Variants in PALM2AKAP2 observed in about 807,000 individuals in gnomAD.
PALM2AKAP2 encodes the protein PALM2-AKAP2 fusion protein.
A neutral mutation model predicts 71.5 loss-of-function variants in PALM2AKAP2; 37 were observed. The ratio of observed to expected loss-of-function variants is 0.52; its 90% CI spans 0.40 to 0.68. The LOEUF (loss-of-function observed/expected upper bound fraction) is 0.68, where lower values mean the gene tolerates loss of function less well. Ranked by LOEUF, PALM2AKAP2 falls within the 30% of genes least tolerant of loss-of-function variation. PALM2AKAP2 has a pLI of 0.00. For synonymous variants in PALM2AKAP2, 468 were observed against 478.8 expected (o/e 0.98, Z 0.29); for missense variants, 1,224 against 1,191.8 (o/e 1.03, Z -0.40).
At chr9:109,773,920 C>G (rs1225377540) in intron 1 of PALM2AKAP2, among the ~76,000 whole-genome samples, 1 of 95,378 alleles carries the variant, frequency 1.0e-5, no homozygotes, top group African/African-American at 5.7e-5. Context: ...CTGTCATTCC[C>G]AAAGGTGTCA....
chr9:110,026,177 C>G (rs1301004023), intron 7 of PALM2AKAP2, among the ~76,000 whole-genome samples: 1 of 152,040 alleles, frequency 6.6e-6, no homozygotes, highest in Non-Finnish European at 1.5e-5. Context: ...CCTCCCAGGC[C>G]CAAGCAATCC....
At chr9:110,115,341 T>C (rs1468000114) in intron 1 of PALM2AKAP2, among the ~76,000 whole-genome samples, 1 of 152,222 alleles carries the variant, frequency 6.6e-6, no homozygotes, top group Non-Finnish European at 1.5e-5. Flanking sequence ...AAATATCTTT[T>C]TCTTTAAACC....
chr9:109,944,792 C>A lies in PALM2AKAP2; in HGVS notation c.496+12764C>A, dbSNP rs1413914025. On this transcript the variant is annotated intron_variant, in intron 6 of 9. Coordinates refer to the PALM2AKAP2 transcript ENST00000302798. ...AGCACTCCCCCAAAGCAAAAAGCCA[C>A]ATATGTAGTAAAACCAAAGGGAAAC... 2.6e-5 allele frequency: 4 copies of A among 151,950 alleles called. No individual in the cohort carries two copies. In the East Asian group the frequency reaches 7.7e-4, roughly 29 times the overall value. 9.4% of individuals were successfully genotyped at this position (151,950 alleles called of 1,614,324 possible).
intron 1 of PALM2AKAP2, among the ~76,000 whole-genome samples, chr9:109,647,474 T>G (rs1827170626): frequency 6.6e-6 from 1 of 152,228 alleles, no homozygotes; most frequent in Non-Finnish European, 1.5e-5. Flanking sequence ...ATGAAATTGC[T>G]GGGTGAGTGA....
At chr9:109,669,156 T>G (rs1249031683) in intron 1 of PALM2AKAP2, among the ~76,000 whole-genome samples, 1 of 152,222 alleles carries the variant, frequency 6.6e-6, no homozygotes, top group East Asian at 1.9e-4. Context: ...AGAACTGCCC[T>G]TTTCACTATT....
chr9:109,641,094 G>A (rs146938000), intron 1 of PALM2AKAP2, among the ~76,000 whole-genome samples: 45 of 152,366 alleles, frequency 3.0e-4, no homozygotes, highest in Middle Eastern at 3.4e-3. Context: ...AGCAGGGCCT[G>A]GGGGGCGAGT....
intron 6 of PALM2AKAP2, among the ~76,000 whole-genome samples, chr9:109,960,749 A>G (rs964318593): frequency 6.6e-6 from 1 of 152,192 alleles, no homozygotes; most frequent in Non-Finnish European, 1.5e-5. Context: ...AGAAGAGAAC[A>G]GATTGGTATG....
At chr9:109,844,217 C>T (rs1055873043) in intron 1 of PALM2AKAP2, among the ~76,000 whole-genome samples, 4 of 152,164 alleles carry the variant, frequency 2.6e-5, no homozygotes, top group Admixed American at 6.5e-5. Context: ...CACCACTTTA[C>T]AGATAAGCGA....
At chr9:110,038,793 T>C (rs1365769800) in intron 7 of PALM2AKAP2, among the ~76,000 whole-genome samples, 1 of 151,250 alleles carries the variant, frequency 6.6e-6, no homozygotes, top group Non-Finnish European at 1.5e-5. Context: ...ACAAAAAAAT[T>C]ACCTGGGCCT....
intron 6 of PALM2AKAP2, among the ~76,000 whole-genome samples, chr9:109,990,026 T>C (rs572236975): frequency 5.9e-5 from 9 of 152,240 alleles, no homozygotes; most frequent in Admixed American, 3.9e-4. Flanking sequence ...TGTTTACCAC[T>C]GTTCCACTGT....
At chr9:109,683,267 T>C (rs1923434) in intron 1 of PALM2AKAP2, among the ~76,000 whole-genome samples, 1,710 of 152,318 alleles carry the variant, frequency 0.011, 36 homozygotes, top group African/African-American at 0.038. Flanking sequence ...TTCAGGTATT[T>C]CTGTATAACA....
chr9:109,864,643 C>A (rs574251600), intron 1 of PALM2AKAP2, among the ~76,000 whole-genome samples: 59 of 152,318 alleles, frequency 3.9e-4, no homozygotes, highest in African/African-American at 1.4e-3. Context: ...AGAACACAGC[C>A]ACACTCATTC....
chr9:109,780,591 C>A, intron 1 of PALM2AKAP2, 58 bp downstream of exon 1: 1 of 1,610,590 alleles, frequency 6.2e-7, no homozygotes, highest in South Asian at 1.1e-5. Context: ...AGGGGGCCCC[C>A]GAGGGTTTCG....
At chr9:109,919,631 A>G (rs1830777120) in intron 3 of PALM2AKAP2, among the ~76,000 whole-genome samples, 1 of 151,996 alleles carries the variant, frequency 6.6e-6, no homozygotes, top group Non-Finnish European at 1.5e-5. Context: ...ATATAAATAC[A>G]TTAACACACA....
At chr9:109,947,123 G>A (rs543169276) in intron 6 of PALM2AKAP2, among the ~76,000 whole-genome samples, 1 of 152,290 alleles carries the variant, frequency 6.6e-6, no homozygotes, top group South Asian at 2.1e-4. Context: ...GTTTCCTTGA[G>A]CCTTCTGAGC....
intron 4 of PALM2AKAP2, among the ~76,000 whole-genome samples, chr9:109,924,473 G>A (rs917497001): frequency 4.6e-5 from 7 of 152,078 alleles, no homozygotes; most frequent in South Asian, 2.1e-4. Context: ...GGTGGCAGGC[G>A]CCTGTAATCC....
chr9:109,817,035 C>T (rs1049951030), intron 1 of PALM2AKAP2, among the ~76,000 whole-genome samples: 3 of 152,096 alleles, frequency 2.0e-5, no homozygotes, highest in South Asian at 2.1e-4. Context: ...TTACCCCTAC[C>T]GAGTTTTCTA....
rs148395650 is a variant in PALM2AKAP2, at chr9:109,874,733, A to G, written c.127-5818A>G. 2.8e-3 allele frequency among the ~76,000 whole-genome samples: 427 copies of G among 152,232 alleles called. 7 individuals carry two copies. Among genetic ancestry groups the G allele is most frequent in the Admixed American group, 0.025 (385 of 15,296 alleles). ...AGATTTTATTTTCTGCTTTTCTATCATTTGTTCTACTCTTCCCTGTCTCCA... is the reference window on the plus strand; with the variant it reads ...AGATTTTATTTTCTGCTTTTCTATCGTTTGTTCTACTCTTCCCTGTCTCCA... On this transcript the variant is annotated intron_variant, in intron 2 of 9. Coordinates refer to the PALM2AKAP2 transcript ENST00000302798.
At chr9:109,763,159 C>T (rs1418337173) in intron 1 of PALM2AKAP2, among the ~76,000 whole-genome samples, 5 of 152,006 alleles carry the variant, frequency 3.3e-5, no homozygotes, top group Admixed American at 6.5e-5. Flanking sequence ...TAACATATCC[C>T]GGGGGTCACT....
Sources: allele counts gnomAD v4.1 joint callset (sites outside exome capture counted in the v4.1 genomes callset), GRCh38; gene constraint gnomAD v4.1.1; transcripts MANE v1.5; gene names NCBI Gene and HGNC (gene_info 2026-07-23, HGNC 2026-07-21).